Variants in CNTN5 observed in about 807,000 individuals in gnomAD.
CNTN5 encodes contactin 5.
A neutral mutation model predicts 129.1 loss-of-function variants in CNTN5; 77 were observed. The ratio of observed to expected loss-of-function variants is 0.60; its 90% confidence interval spans 0.50 to 0.72. The LOEUF (loss-of-function observed/expected upper bound fraction) is 0.72. CNTN5 is among the 30% of genes least tolerant of loss of function. The pLI is 0.00. For missense variants in CNTN5, 1,478 were observed against 1,328.8 expected, an observed-to-expected ratio of 1.11 and a Z score of -1.75; for synonymous variants, 509 against 465.6, an observed-to-expected ratio of 1.09 and a Z score of -1.20.
intron 1 of CNTN5, among the ~76,000 whole-genome samples, chr11:99,289,857 A>C (rs1864094736): frequency 6.6e-6 from 1 of 151,834 alleles, no homozygotes; most frequent in Non-Finnish European, 1.5e-5. Context: ...CAAGACTATG[A>C]ATGGGATAGC....
At position 99,570,731 on chromosome 11, in the gene CNTN5, T is replaced by C. The variant is rs1028141756; in HGVS notation, c.55+14462T>C. Among the ~76,000 whole-genome samples, 6 of 152,124 alleles carry C rather than the reference T, an allele frequency of 3.9e-5. No individual in the cohort carries two copies. The East Asian group carries it at 1.2e-3, about 29-fold the overall frequency. ...GACACTTTAGCAAGAAATAACATAA[T>C]ATCTAATAGGAATAATTCCCATAAA... On this transcript the variant is annotated intron_variant, in intron 3 of 24. Coordinates refer to ENST00000524871, the MANE Select transcript of CNTN5 (RefSeq NM_014361.4).
At chr11:99,052,210 CATAT>C (rs911966491) in intron 1 of CNTN5, among the ~76,000 whole-genome samples, 2 of 151,626 alleles carry the variant, frequency 1.3e-5, no homozygotes, top group East Asian at 3.9e-4. Flanking sequence ...CATATGTTTA[CATAT>C]ATATACACAC....
chr11:100,354,709 A>G (rs1358864331), intron 24 of CNTN5, among the ~76,000 whole-genome samples: 1 of 151,724 alleles, frequency 6.6e-6, no homozygotes, highest in Non-Finnish European at 1.5e-5. Flanking sequence ...TAGATGGTAT[A>G]GCTTACTATA....
At chr11:100,245,800 A>G (rs1202365283) in intron 16 of CNTN5, among the ~76,000 whole-genome samples, 1 of 152,154 alleles carries the variant, frequency 6.6e-6, no homozygotes, top group Non-Finnish European at 1.5e-5. Flanking sequence ...CCCCGGAGCC[A>G]CTTAAGGAAT....
At chr11:99,342,929 T>C (rs1387146550) in intron 2 of CNTN5, among the ~76,000 whole-genome samples, 5 of 152,054 alleles carry the variant, frequency 3.3e-5, no homozygotes, top group African/African-American at 1.2e-4. Flanking sequence ...ATGATGGTCA[T>C]TTGTCATCAG....
chr11:100,151,301 A>G (rs1947045189), intron 13 of CNTN5, among the ~76,000 whole-genome samples: 1 of 152,176 alleles, frequency 6.6e-6, no homozygotes, highest in African/African-American at 2.4e-5. Flanking sequence ...TATGTTTATT[A>G]CATACCATGT....
intron 13 of CNTN5, among the ~76,000 whole-genome samples, chr11:100,103,818 A>T (rs907822285): frequency 6.6e-6 from 1 of 152,194 alleles, no homozygotes; most frequent in Non-Finnish European, 1.5e-5. Flanking sequence ...CTTCTGTAAC[A>T]TGAGCAGCTC....
chr11:100,045,072 C>T (rs771308895), intron 9 of CNTN5, among the ~76,000 whole-genome samples: 3 of 151,978 alleles, frequency 2.0e-5, no homozygotes, highest in East Asian at 1.9e-4. Flanking sequence ...AATCTCACAT[C>T]GTGTATCTAC....
At chr11:99,079,477 A>C (rs763606429) in intron 1 of CNTN5, among the ~76,000 whole-genome samples, 1 of 152,208 alleles carries the variant, frequency 6.6e-6, no homozygotes, top group Non-Finnish European at 1.5e-5. Flanking sequence ...CTGTCAAATA[A>C]ATTCAAGTGA....
At chr11:99,082,481 C>T (rs1865844188) in intron 1 of CNTN5, among the ~76,000 whole-genome samples, 1 of 152,102 alleles carries the variant, frequency 6.6e-6, no homozygotes, top group South Asian at 2.1e-4. Flanking sequence ...CCACGCCAGG[C>T]CAAAAACAGA....
At chr11:100,261,611 T>C (rs1379569833) in intron 17 of CNTN5, among the ~76,000 whole-genome samples, 1 of 152,056 alleles carries the variant, frequency 6.6e-6, no homozygotes, top group Non-Finnish European at 1.5e-5. Flanking sequence ...TACCGACCAA[T>C]GGAGCAGAAC....
At chr11:100,314,295 G>A (rs1443237862) in intron 21 of CNTN5, among the ~76,000 whole-genome samples, 1 of 152,130 alleles carries the variant, frequency 6.6e-6, no homozygotes, top group East Asian at 1.9e-4. Flanking sequence ...ATATTATAAT[G>A]TGAGTATAAT....
intron 2 of CNTN5, among the ~76,000 whole-genome samples, chr11:99,463,954 G>A (rs1438983052): frequency 6.6e-6 from 1 of 152,148 alleles, no homozygotes; most frequent in African/African-American, 2.4e-5. Flanking sequence ...TCACTAAAAT[G>A]TGATCAAATA....
At chr11:99,728,987 G>A (rs960116291) in intron 3 of CNTN5, among the ~76,000 whole-genome samples, 4 of 152,090 alleles carry the variant, frequency 2.6e-5, no homozygotes, top group Non-Finnish European at 2.9e-5. Context: ...CATACCATCT[G>A]GATCTTCAGT....
intron 9 of CNTN5, among the ~76,000 whole-genome samples, chr11:100,052,814 T>C (rs1261510299): frequency 6.6e-6 from 1 of 151,756 alleles, no homozygotes; most frequent in East Asian, 1.9e-4. Flanking sequence ...TACTCAATAT[T>C]TATTCTAAAA....
chr11:100,216,036 T>A (rs776457761), intron 15 of CNTN5, among the ~76,000 whole-genome samples: 1 of 152,140 alleles, frequency 6.6e-6, no homozygotes. Flanking sequence ...CTGGCCTCAT[T>A]CCATGCTAAT....
Position 99,261,935 on chromosome 11 carries a change from C to T in CNTN5, c.-209-63411C>T, listed in dbSNP as rs116513493. On this transcript the variant is annotated intron_variant, in intron 1 of 24. Transcript: ENST00000524871. ...AGCAAAGCTGATGTTCAGCACCCCT[C>T]GGGCATTCCATCTACCAAAGGAGTC... Among the ~76,000 whole-genome samples, 882 of 152,062 alleles carry T rather than the reference C, an allele frequency of 5.8e-3. 13 individuals are homozygous for T. Among genetic ancestry groups the T allele is most frequent in the African/African-American group, 0.02 (829 of 41,504 alleles).
intron 15 of CNTN5, among the ~76,000 whole-genome samples, chr11:100,217,801 G>A (rs905929057): frequency 1.3e-5 from 2 of 152,136 alleles, no homozygotes; most frequent in African/African-American, 4.8e-5. Flanking sequence ...TATTACTGAG[G>A]AGATTTCAAG....
At chr11:99,408,503 A>AT (rs1942239234) in intron 2 of CNTN5, among the ~76,000 whole-genome samples, 1 of 144,848 alleles carries the variant, frequency 6.9e-6, no homozygotes, top group East Asian at 2.3e-4. Flanking sequence ...AGAAAGAAAG[A>AT]AAGTTAGTTC....
Sources: allele counts gnomAD v4.1 joint callset (sites outside exome capture counted in the v4.1 genomes callset), GRCh38; gene constraint gnomAD v4.1.1; transcripts MANE v1.5; gene names NCBI Gene and HGNC (gene_info 2026-07-23, HGNC 2026-07-21).